ELF1: variants seen among roughly 807,000 people sequenced by gnomAD.
The protein encoded by ELF1 is ETS-related transcription factor Elf-1.
In ELF1, 24 loss-of-function variants were observed where a neutral mutation model predicts 59.9. The ratio of observed to expected loss-of-function variants is 0.40; its 90% CI spans 0.29 to 0.56. The LOEUF is 0.56. Among genes scored for constraint, ELF1 ranks in the 20% least tolerant of loss-of-function variants. ELF1 has a pLI of 0.44. For synonymous variants in ELF1, 248 were observed against 266.2 expected (o/e 0.93, Z 0.67); for missense variants, 627 against 742.2 (o/e 0.84, Z 1.80).
At chr13:40,969,496 A>C (rs899621087) in intron 2 of ELF1, among the ~76,000 whole-genome samples, 15 of 152,238 alleles carry the variant, frequency 9.9e-5, no homozygotes, top group African/African-American at 3.4e-4. Context: ...GCTTTTAAAG[A>C]TGAAAATATA....
chr13:41,006,754 C>T (rs948656981), intron 1 of ELF1, among the ~76,000 whole-genome samples: 1 of 152,262 alleles, frequency 6.6e-6, no homozygotes, highest in African/African-American at 2.4e-5. Flanking sequence ...TGTCTAAATA[C>T]AAACTTTTTA....
chr13:40,951,536 T>C (rs2138161967), intron 3 of ELF1, 100 bp from the exon 4 acceptor site: 1 of 756,208 alleles, frequency 1.3e-6, no homozygotes, highest in South Asian at 2.1e-5. Flanking sequence ...CATCATTTAA[T>C]ATTTTAGTTT....
intron 1 of ELF1, among the ~76,000 whole-genome samples, chr13:40,986,046 C>T (rs1280331667): frequency 6.6e-6 from 1 of 152,170 alleles, no homozygotes. Flanking sequence ...GCTCAGATGT[C>T]TCTTAATTGG....
chr13:41,023,884 G>GA (rs1394904319), upstream of ELF1, among the ~76,000 whole-genome samples: 2 of 152,170 alleles, frequency 1.3e-5, no homozygotes, highest in African/African-American at 2.4e-5. Flanking sequence ...TCACTGAGGG[G>GA]AAAAATGTAG....
rs569256416 is a variant in ELF1, at chr13:40,940,282, C to G, written c.1256+639G>C. ...TACTCCCATTCTAAGTCAGCTGAGACTAGTCCCAAATTTCTGCAGATCAGT... is the reference window on the plus strand; with the variant it reads ...TACTCCCATTCTAAGTCAGCTGAGAGTAGTCCCAAATTTCTGCAGATCAGT... On this transcript the variant is annotated intron_variant, in intron 8 of 8. Coordinates refer to ENST00000239882, the MANE Select transcript of ELF1 (RefSeq NM_172373.4). Among the ~76,000 whole-genome samples the G allele has an allele frequency of 5.0e-5, 6 of 119,464 alleles. No homozygotes were observed. The East Asian group carries it at 1.2e-3, about 24-fold the overall frequency. 78.4% of individuals were successfully genotyped at this position (119,464 alleles called of 152,430 possible). A position where few individuals can be genotyped will look rare whatever the true frequency, so the allele number is the denominator to read the frequency against.
At chr13:40,986,188 A>G in intron 1 of ELF1, among the ~76,000 whole-genome samples, 1 of 152,246 alleles carries the variant, frequency 6.6e-6, no homozygotes, top group Non-Finnish European at 1.5e-5. Flanking sequence ...TTCAGAGAAC[A>G]GGCTCTGGAG....
At chr13:40,955,992 G>A (rs1871388010) in intron 3 of ELF1, among the ~76,000 whole-genome samples, 1 of 144,080 alleles carries the variant, frequency 6.9e-6, no homozygotes, top group Non-Finnish European at 1.6e-5. Context: ...CGTCCAGGAG[G>A]TGAGGGGCGC....
At chr13:40,971,169 G>A (rs999691546) in intron 2 of ELF1, among the ~76,000 whole-genome samples, 1 of 152,058 alleles carries the variant, frequency 6.6e-6, no homozygotes, top group Admixed American at 6.6e-5. Flanking sequence ...TTCAATTAAC[G>A]CTTGGATAAA....
intron 8 of ELF1, among the ~76,000 whole-genome samples, chr13:40,939,849 G>A (rs1184736379): frequency 1.3e-5 from 2 of 151,988 alleles, no homozygotes; most frequent in African/African-American, 4.8e-5. Context: ...TTTGGATAAG[G>A]GCTACTCAAG....
At position 41,007,278 on chromosome 13, in the gene ELF1, A is replaced by T. The variant is rs572482490; in HGVS notation, c.-229+11950T>A. On this transcript the variant is annotated intron_variant, in intron 1 of 8. Transcript: ENST00000239882. ...AACCTGCTTATAACTCATTTCTTTA[A>T]TTCAGTCTGAAGTTAAATAATATGC... Among the ~76,000 whole-genome samples, 6 of 152,228 alleles carry T rather than the reference A, an allele frequency of 3.9e-5. No homozygotes were observed. The South Asian group carries it at 8.3e-4, about 21-fold the overall frequency.
chr13:40,960,440 G>A (rs1343562039), intron 2 of ELF1, among the ~76,000 whole-genome samples: 2 of 152,100 alleles, frequency 1.3e-5, no homozygotes, highest in African/African-American at 4.8e-5. Flanking sequence ...TTTGTAGAAT[G>A]TCTACCAATT....
intron 1 of ELF1, among the ~76,000 whole-genome samples, chr13:40,985,961 C>A (rs1205616938): frequency 6.6e-6 from 1 of 152,022 alleles, no homozygotes; most frequent in Non-Finnish European, 1.5e-5. Flanking sequence ...CAGACATAAG[C>A]GGTCAACTTA....
chr13:41,001,512 C>A lies in ELF1; in HGVS notation c.-229+17716G>T, dbSNP rs572646809. Among the ~76,000 whole-genome samples, 40 of 152,196 alleles carry A rather than the reference C, an allele frequency of 2.6e-4. 1 individual carries two copies. In the South Asian group the frequency reaches 8.1e-3, roughly 31 times the overall value. ...TAACAAAGCTGGAAGCACCACACTA[C>A]AAGTCTTCAAAATAGAATATAAAGC... On this transcript the variant is annotated intron_variant, in intron 1 of 8. Coordinates refer to ENST00000239882, the MANE Select transcript of ELF1 (RefSeq NM_172373.4).
intron 2 of ELF1, among the ~76,000 whole-genome samples, chr13:40,980,960 G>A (rs1238343144): frequency 6.6e-6 from 1 of 151,816 alleles, no homozygotes; most frequent in Non-Finnish European, 1.5e-5. Flanking sequence ...ACCTTTTGTA[G>A]GTTTATTTAT....
chr13:40,943,211 C>T, intron 6 of ELF1, 67 bp from the exon 7 acceptor site: 2 of 1,359,508 alleles, frequency 1.5e-6, no homozygotes, highest in Admixed American at 2.5e-5. Context: ...AAAAAGACAA[C>T]TAAAAGTCTT....
intron 2 of ELF1, among the ~76,000 whole-genome samples, chr13:40,966,465 G>A (rs1049880883): frequency 5.3e-5 from 8 of 152,152 alleles, no homozygotes; most frequent in African/African-American, 1.4e-4. Flanking sequence ...CATTGTCCAC[G>A]ATATAGTTTC....
intron 1 of ELF1, among the ~76,000 whole-genome samples, chr13:41,048,431 T>C (rs775990521): frequency 9.9e-5 from 15 of 152,180 alleles, no homozygotes; most frequent in Non-Finnish European, 2.2e-4. Flanking sequence ...CTACAGTCTT[T>C]TCTTTGAGAC....
In ELF1 at chr13:40,949,979, G is replaced by T. The variant is rs769315603; in HGVS notation, c.362-6C>A. 1 of 1,596,046 alleles carries T rather than the reference G, an allele frequency of 6.3e-7. No homozygotes were observed. Among genetic ancestry groups the T allele is most frequent in the South Asian group, 1.1e-5 (1 of 87,456 alleles). ...TGAACTAAATATATTATTATCTAAT[G>T]AAAATAAAATCAACTAATTATAGTC... On this transcript the variant is annotated splice_region_variant and splice_polypyrimidine_tract_variant and intron_variant, in intron 4 of 8. Transcript: ENST00000239882.
intron 2 of ELF1, among the ~76,000 whole-genome samples, chr13:40,970,872 T>C (rs1043683835): frequency 3.3e-5 from 5 of 152,182 alleles, no homozygotes; most frequent in Admixed American, 6.5e-5. Context: ...TCTCTGTCTT[T>C]GGGAGTCTTT....
Sources: gnomAD v4.1 joint callset for allele counts (sites outside exome capture counted in the v4.1 genomes callset) on GRCh38, gnomAD v4.1.1 for gene constraint, MANE v1.5 for transcripts, NCBI Gene and HGNC (gene_info 2026-07-23, HGNC 2026-07-21) for gene names.